HIPK4: variants seen among roughly 807,000 people sequenced by gnomAD.
HIPK4 encodes homeodomain-interacting protein kinase 4.
In HIPK4, 26 loss-of-function variants were observed where a neutral mutation model predicts 44.8. The ratio of observed to expected loss-of-function variants is 0.58; its 90% CI spans 0.43 to 0.80. HIPK4 has a LOEUF of 0.80. Ranked by LOEUF, HIPK4 falls within the 30% of genes least tolerant of loss-of-function variation. The probability of loss-of-function intolerance (pLI) is 0.00; values close to 1 mark genes in which losing one functional copy is unlikely to be tolerated. For missense variants in HIPK4, 729 were observed against 862.6 expected, an observed-to-expected ratio of 0.85 and a Z score of 1.94; for synonymous variants, 340 against 355.5, an observed-to-expected ratio of 0.96 and a Z score of 0.49.
At chr19:40,382,353 C>A (rs538625931) in intron 2 of HIPK4, among the ~76,000 whole-genome samples, 1 of 152,272 alleles carries the variant, frequency 6.6e-6, no homozygotes, top group South Asian at 2.1e-4. Context: ...CCTTGGCCCC[C>A]ACCAAAGTGC....
rs975767431 is a variant in HIPK4, at chr19:40,379,437, G to A, written c.*150C>T. The A allele has an allele frequency of 2.5e-5, 18 of 718,330 alleles. No homozygotes were observed. The highest frequency in any genetic ancestry group is 1.3e-4 in the African/African-American group (7 of 54,574). The allele number at this position is 718,330 out of a possible 1,614,324, so 44.5% of individuals were successfully genotyped here. Reference sequence around the variant, plus strand: ...GAGGTGTGCAGGCACGCACCGCACCGCAGACGGGGAATGAGAATTTCTGGA... The same window carrying A: ...GAGGTGTGCAGGCACGCACCGCACCACAGACGGGGAATGAGAATTTCTGGA... On this transcript the variant is annotated 3_prime_UTR_variant, in exon 4 of 4. Coordinates refer to ENST00000291823, the MANE Select transcript of HIPK4 (RefSeq NM_144685.5).
At chr19:40,386,418 A>T (rs2079363514) in intron 1 of HIPK4, among the ~76,000 whole-genome samples, 1 of 151,912 alleles carries the variant, frequency 6.6e-6, no homozygotes, top group African/African-American at 2.4e-5. Flanking sequence ...CAGTGGCACC[A>T]TCGTAGCTCA....
chr19:40,384,232 T>C, intron 1 of HIPK4, 93 bp from the exon 2 acceptor site: 1 of 904,044 alleles, frequency 1.1e-6, no homozygotes, highest in East Asian at 2.4e-5. Flanking sequence ...GGCATCTTCC[T>C]GCATCTGCTA....
rs752230118 is a variant in HIPK4 at position 40,381,157 on chromosome 19, C to T, written c.834G>A (p.Leu278=). The change falls in exon 3 of 4, where the codon TTG becomes TTA. Residue 278 remains leucine, a synonymous_variant. Coordinates refer to ENST00000291823, the MANE Select transcript of HIPK4 (RefSeq NM_144685.5). ...DYLAETKVRP[L]ERRKYMLKSL... Reference sequence around the variant, plus strand: ...ACTTGAGCATATACTTGCGGCGCTCCAATGGGCGCACCTGGCGGGGCATGG... The same window carrying T: ...ACTTGAGCATATACTTGCGGCGCTCTAATGGGCGCACCTGGCGGGGCATGG... The T allele has an allele frequency of 1.9e-6, 3 of 1,595,032 alleles. No individual in the cohort carries two copies. The highest frequency in any genetic ancestry group is 3.3e-5 in the Admixed American group (2 of 59,866).
chr19:40,384,104 C>T lies in HIPK4; in HGVS notation c.501G>A (p.Glu167=). The change falls in exon 2 of 4, where the codon GAG becomes GAA. Residue 167 remains glutamate, a synonymous_variant. Coordinates refer to ENST00000291823, the MANE Select transcript of HIPK4 (RefSeq NM_144685.5). ...IDFGSASIFS[E]VRYVKEPYIQ... is the part of the protein sequence containing the mutation. ...TGTATGGCTCCTTCACGTAGCGCAC[C>T]TCGCTGAAAATGCTGGCGGATCCGA... The T allele has an allele frequency of 6.3e-7, 1 of 1,595,340 alleles. No individual in the cohort carries two copies.
In HIPK4 at chr19:40,389,870, G is replaced by A. The variant is rs370981376; in HGVS notation, c.33C>T (p.Tyr11=). The change falls in exon 1 of 4, where the codon TAC becomes TAT. Residue 11 remains tyrosine (Y), a synonymous_variant. Transcript: ENST00000291823. The surrounding 1 kb of genome is among the most constrained non-coding windows in gnomAD (Gnocchi z 4.6). MSTIQSETDC[Y]DIIEVLGKGT... is the part of the protein sequence containing the mutation. The stretch of plus-strand genomic sequence containing the variant: ...CCTTGCCCAAGACCTCGATGATGTC[G>A]TAGCAGTCAGTCTCCGACTGGATGG... 5.6e-6 allele frequency: 9 copies of A among 1,611,014 alleles called. No individual in the cohort carries two copies. Among genetic ancestry groups the A allele is most frequent in the Admixed American group, 3.3e-5 (2 of 60,004 alleles).
Position 40,380,323 on chromosome 19 carries a change from C to T in HIPK4, c.1668G>A (p.Glu556=). ...CGTATCCTGAACGCACCCGGCTCAC[C>T]TCAGCTTCCATGGTCATGTTGTCAA... The part of the protein sequence containing the change: ...PNIDNMTMEA[E]RPDPELFDPS... The change falls in exon 3 of 4, where the codon GAG becomes GAA. Residue 556 remains glutamate (E), a splice_region_variant and synonymous_variant. Transcript: ENST00000291823. This position sits in a 1 kb window ranked among gnomAD's most constrained non-coding sequence, Gnocchi z 4.2. 1 of 1,612,504 alleles carries T rather than the reference C, an allele frequency of 6.2e-7. No individual in the cohort carries two copies. Among genetic ancestry groups the T allele is most frequent in the Non-Finnish European group, 8.5e-7 (1 of 1,178,666 alleles).
Position 40,381,149 on chromosome 19 carries a change from C to A in HIPK4, c.842G>T (p.Arg281Leu), listed in dbSNP as rs776906530. Reference protein sequence around the residue: ...AETKVRPLERRKYMLKSLDQI... With the variant: ...AETKVRPLERLKYMLKSLDQI... ...GTCCAACGACTTGAGCATATACTTG[C>A]GGCGCTCCAATGGGCGCACCTGGCG... is the stretch of plus-strand genomic sequence containing the variant. The change falls in exon 3 of 4, where the codon CGC becomes CTC. Residue 281 changes from arginine to leucine, a missense_variant. Around this residue, in one of 2 missense-constraint regions of HIPK4, gnomAD observed 533 missense variants for 567.5 expected, o/e 0.94. Transcript: ENST00000291823. 1 of 1,599,214 alleles carries A rather than the reference C, an allele frequency of 6.3e-7. No homozygotes were observed.
Position 40,390,053 on chromosome 19 carries a change from T to G in HIPK4, c.-151A>C. The G allele has an allele frequency of 3.2e-6, 2 of 622,274 alleles. No individual in the cohort carries two copies. Among genetic ancestry groups the G allele is most frequent in the Non-Finnish European group, 5.6e-6 (2 of 356,710 alleles). The allele number at this position is 622,274 out of a possible 1,614,324, so 38.5% of individuals were successfully genotyped here. ...CTCCTCCTATGAGGTTGGCCCCTGC[T>G]TCCCTGGCACCCCCAAACCCCCAGG... On this transcript the variant is annotated 5_prime_UTR_variant, in exon 1 of 4. Coordinates refer to ENST00000291823, the MANE Select transcript of HIPK4 (RefSeq NM_144685.5).
rs1417789572 is a variant in HIPK4, at chr19:40,379,686, C to T, written c.1752G>A (p.Arg584=). 1.3e-6 allele frequency: 2 copies of T among 1,589,642 alleles called. No homozygotes were observed. Among genetic ancestry groups the T allele is most frequent in the African/African-American group, 2.7e-5 (2 of 74,324 alleles). The part of the protein sequence containing the change: ...SEPDCTLESV[R]GPRAQGLPPR... The stretch of plus-strand genomic sequence containing the variant: ...GTGGGAGCCCCTGAGCCCGTGGGCC[C>T]CTGACGCTCTCCAGGGTGCAGTCTG... Residue 584 remains arginine, a synonymous_variant, in exon 4 of 4, where the codon AGG becomes AGA. Coordinates refer to ENST00000291823, the MANE Select transcript of HIPK4 (RefSeq NM_144685.5).
In HIPK4 at chr19:40,380,237, T is replaced by A; in HGVS notation, c.1668+86A>T. ...ATGGGTGAGTGTGTGTTGAGCCTCC[T>A]CACACACTAATCATATCCTGAGCAC... is the stretch of plus-strand genomic sequence containing the variant. On this transcript the variant is annotated intron_variant, in intron 3 of 3. Coordinates refer to ENST00000291823, the MANE Select transcript of HIPK4 (RefSeq NM_144685.5). The surrounding 1 kb of genome is among the most constrained non-coding windows in gnomAD (Gnocchi z 4.2). 3.4e-6 allele frequency: 5 copies of A among 1,488,946 alleles called. No homozygotes were observed. The highest frequency in any genetic ancestry group is 2.6e-5 in the South Asian group (2 of 77,580). The allele number at this position is 1,488,946 out of a possible 1,614,324, so 92.2% of individuals were successfully genotyped here. A position where few individuals can be genotyped will look rare whatever the true frequency, so the allele number is the denominator to read the frequency against.
intron 1 of HIPK4, among the ~76,000 whole-genome samples, chr19:40,384,340 G>A (rs1023936900): frequency 6.6e-6 from 1 of 152,034 alleles, no homozygotes; most frequent in African/African-American, 2.4e-5. Context: ...TCTCACTCTT[G>A]TTGCCCAGTC....
At position 40,379,639 on chromosome 19, in the gene HIPK4, C is replaced by T; in HGVS notation, c.1799G>A (p.Gly600Asp). The change falls in exon 4 of 4, where the codon GGT (glycine) becomes GAT (aspartate). Residue 600 changes from glycine to aspartate, a missense_variant. Around this residue, in one of 2 missense-constraint regions of HIPK4, gnomAD observed 533 missense variants for 567.5 expected, o/e 0.94. Coordinates refer to ENST00000291823, the MANE Select transcript of HIPK4 (RefSeq NM_144685.5). ...GLPPRRSHQH[G>D]PPRGATSFLQ... ...GAAGCTGGTGGCCCCCCGGGGTGGA[C>T]CATGCTGGTGGGAGCGGCGGGGTGG... The T allele has an allele frequency of 6.4e-7, 1 of 1,559,934 alleles. No individual in the cohort carries two copies. The highest frequency in any genetic ancestry group is 1.2e-5 in the South Asian group (1 of 84,556).
At position 40,383,827 on chromosome 19, in the gene HIPK4, G is replaced by T; in HGVS notation, c.778C>A (p.Pro260Thr). The T allele has an allele frequency of 6.2e-7, 1 of 1,613,892 alleles. No homozygotes were observed. Among genetic ancestry groups the T allele is most frequent in the Non-Finnish European group, 8.5e-7 (1 of 1,179,816 alleles). The change falls in exon 2 of 4, where the codon CCC (proline) becomes ACC (threonine). Residue 260 changes from proline to threonine, a missense_variant. Physicochemically the swap from Pro to Thr is conservative, Grantham distance 38. This residue lies in a region of HIPK4 where 533 missense variants were observed against 567.5 expected (regional missense o/e 0.94). Coordinates refer to ENST00000291823, the MANE Select transcript of HIPK4 (RefSeq NM_144685.5). ...TCAGCCGAGGACTTGAGCTGCCAGGGGTTGGCAGCGTCAGGGTGGGGGTTG... is the reference window on the plus strand; with the variant it reads ...TCAGCCGAGGACTTGAGCTGCCAGGTGTTGGCAGCGTCAGGGTGGGGGTTG... ...KRNPHPDAAN[P>T]WQLKSSADYL... is the part of the protein sequence containing the mutation.
Position 40,383,946 on chromosome 19 carries a change from T to A in HIPK4, c.659A>T (p.Glu220Val), listed in dbSNP as rs1353697202. ...GCAGATGTAGCGCACCTGGTCGTAC[T>A]CGTTGTTGCCGGGGTAGAGAGGCCA... ...LGWPLYPGNN[E>V]YDQVRYICET... The change falls in exon 2 of 4, where the codon GAG (glutamate) becomes GTG (valine). Residue 220 changes from glutamate (E) to valine (V), a missense_variant. Coordinates refer to ENST00000291823, the MANE Select transcript of HIPK4 (RefSeq NM_144685.5). The A allele has an allele frequency of 3.1e-6, 5 of 1,614,122 alleles. No homozygotes were observed. Among genetic ancestry groups the A allele is most frequent in the African/African-American group, 1.3e-5 (1 of 75,034 alleles).
At chr19:40,385,178 G>C (rs949912920) in intron 1 of HIPK4, among the ~76,000 whole-genome samples, 1 of 152,088 alleles carries the variant, frequency 6.6e-6, no homozygotes, top group Non-Finnish European at 1.5e-5. Flanking sequence ...TGGTCTCCCT[G>C]CTCCTCTCCT....
chr19:40,384,223 G>T, intron 1 of HIPK4, 84 bp from the exon 2 acceptor site: 2 of 910,550 alleles, frequency 2.2e-6, no homozygotes, highest in Non-Finnish European at 1.7e-6. Flanking sequence ...CTTTCACCTG[G>T]CATCTTCCTG....
chr19:40,382,731 A>T (rs1378160895), intron 2 of HIPK4, among the ~76,000 whole-genome samples: 2 of 149,604 alleles, frequency 1.3e-5, no homozygotes, highest in Admixed American at 6.7e-5. Flanking sequence ...TAGCCCAGAA[A>T]TTTTTTTTTT....
At chr19:40,379,855 G>T (rs765075813) in intron 3 of HIPK4, 86 bp from the exon 4 acceptor site, 295 of 1,351,398 alleles carry the variant, frequency 2.2e-4, no homozygotes, top group Non-Finnish European at 2.8e-4. Context: ...CCTGATGAGG[G>T]TGAGCATGTG....
Sources: gnomAD v4.1 joint callset for allele counts (sites outside exome capture counted in the v4.1 genomes callset) on GRCh38, gnomAD v4.1.1 for gene constraint, gnomAD v4.1.1 regional missense constraint, Gnocchi (gnomAD v3.1) non-coding constraint, MANE v1.5 for transcripts, NCBI Gene and HGNC (gene_info 2026-07-23, HGNC 2026-07-21) for gene names.